The following ARK2C variants were observed in gnomAD, a reference collection of about 807,000 sequenced individuals.
ARK2C encodes the protein E3 ubiquitin-protein ligase ARK2C.
At chr18:46,392,836 G>A in the ARK2C span, among the ~76,000 whole-genome samples, 4 of 152,164 alleles carry the variant, frequency 2.6e-5, no homozygotes, top group Admixed American at 1.3e-4. Context: ...AGGACAACAC[G>A]CCTGGGTGGA....
chr18:46,365,030 G>A, the ARK2C span, among the ~76,000 whole-genome samples: 1 of 152,102 alleles, frequency 6.6e-6, no homozygotes, highest in African/African-American at 2.4e-5. Flanking sequence ...GGGGTCTCTG[G>A]GAGTTCCCTT....
At chr18:46,439,979 C>T in the ARK2C span, among the ~76,000 whole-genome samples, 1 of 152,192 alleles carries the variant, frequency 6.6e-6, no homozygotes, top group African/African-American at 2.4e-5. Context: ...TACAGGCGCA[C>T]ACCCTACACC....
chr18:46,418,421 A>C, the ARK2C span, among the ~76,000 whole-genome samples: 16 of 152,228 alleles, frequency 1.1e-4, no homozygotes. Context: ...ACTACATCCA[A>C]AATATTATCA....
At chr18:46,418,898 C>A in the ARK2C span, among the ~76,000 whole-genome samples, 1 of 152,228 alleles carries the variant, frequency 6.6e-6, no homozygotes, top group Non-Finnish European at 1.5e-5. Flanking sequence ...GACAGAAAAT[C>A]TTGCAAGTTC....
At chr18:46,426,864 T>C in the ARK2C span, among the ~76,000 whole-genome samples, 85 of 152,378 alleles carry the variant, frequency 5.6e-4, no homozygotes, top group African/African-American at 1.9e-3. Flanking sequence ...TTTTTTAACT[T>C]GAAGGAGTAA....
At chr18:46,446,380 T>G in the ARK2C span, among the ~76,000 whole-genome samples, 1 of 152,060 alleles carries the variant, frequency 6.6e-6, no homozygotes, top group Non-Finnish European at 1.5e-5. Flanking sequence ...GTTTTCAAAA[T>G]GAAGAGTTGG....
chr18:46,335,041 G>GGT, the ARK2C span: 1 of 118,486 alleles, frequency 8.4e-6, no homozygotes, highest in Non-Finnish European at 1.9e-5. Context: ...AAGATGCTTG[G>GGT]GCGCGTGTGT....
At chr18:46,378,572 C>A in the ARK2C span, among the ~76,000 whole-genome samples, 1 of 152,168 alleles carries the variant, frequency 6.6e-6, no homozygotes, top group Admixed American at 6.5e-5. Context: ...ATGTATGGTC[C>A]AATTGTTCCA....
chr18:46,372,961 C>T, the ARK2C span, among the ~76,000 whole-genome samples: 1 of 152,246 alleles, frequency 6.6e-6, no homozygotes, highest in East Asian at 1.9e-4. Context: ...TCATCAGCCT[C>T]ACTCAGGGAG....
chr18:46,387,956 C>T, the ARK2C span, among the ~76,000 whole-genome samples: 1 of 152,256 alleles, frequency 6.6e-6, no homozygotes, highest in African/African-American at 2.4e-5. Context: ...CAGGCAGCAT[C>T]AGAATTCCTC....
At chr18:46,453,929 A>G in the ARK2C span, among the ~76,000 whole-genome samples, 1 of 151,718 alleles carries the variant, frequency 6.6e-6, no homozygotes, top group Non-Finnish European at 1.5e-5. Context: ...CCTGGCCATC[A>G]TAGAGAGATT....
At chr18:46,410,769 G>A in the ARK2C span, among the ~76,000 whole-genome samples, 2 of 152,230 alleles carry the variant, frequency 1.3e-5, no homozygotes, top group African/African-American at 4.8e-5. Context: ...TGTTCTCATT[G>A]GTTTGGCTGC....
chr18:46,430,129 T>C, the ARK2C span, among the ~76,000 whole-genome samples: 3 of 152,340 alleles, frequency 2.0e-5, no homozygotes, highest in South Asian at 6.2e-4. Context: ...TTAGTACCTT[T>C]TTGAGAAGGA....
chr18:46,350,980 C>T, the ARK2C span, among the ~76,000 whole-genome samples: 3 of 152,178 alleles, frequency 2.0e-5, no homozygotes, highest in Non-Finnish European at 2.9e-5. Flanking sequence ...GCAGGAGGTG[C>T]AGCCATAAAT....
the ARK2C span, among the ~76,000 whole-genome samples, chr18:46,422,122 G>A: frequency 1.3e-5 from 2 of 152,164 alleles, no homozygotes; most frequent in African/African-American, 2.4e-5. Flanking sequence ...GGAAAGAATG[G>A]CCTTTGAAGC....
the ARK2C span, among the ~76,000 whole-genome samples, chr18:46,339,039 C>T: frequency 6.6e-6 from 1 of 152,218 alleles, no homozygotes; most frequent in African/African-American, 2.4e-5. Flanking sequence ...GAAAGCTGAG[C>T]TGATTTACTG....
At chr18:46,380,355 G>C in the ARK2C span, among the ~76,000 whole-genome samples, 1 of 152,230 alleles carries the variant, frequency 6.6e-6, no homozygotes, top group Non-Finnish European at 1.5e-5. Flanking sequence ...GTGCGCAGGG[G>C]ACATCCAGCA....
chr18:46,455,975 G>T, the ARK2C span: 6 of 1,606,640 alleles, frequency 3.7e-6, no homozygotes, highest in Non-Finnish European at 5.1e-6. Context: ...TTCTCATAGC[G>T]AAGACCCCAG....
chr18:46,343,719 C>T, the ARK2C span, among the ~76,000 whole-genome samples: 1 of 152,330 alleles, frequency 6.6e-6, no homozygotes, highest in African/African-American at 2.4e-5. Flanking sequence ...GCTTCTATTC[C>T]TATCACCTTT....
Sources: allele counts gnomAD v4.1 joint callset (sites outside exome capture counted in the v4.1 genomes callset), GRCh38; gene constraint gnomAD v4.1.1; transcripts MANE v1.5; gene names NCBI Gene and HGNC (gene_info 2026-07-23, HGNC 2026-07-21).